Variants in ROCK2 observed in about 807,000 individuals in gnomAD.
ROCK2 encodes rho-associated protein kinase 2.
Under a neutral mutation model 195.1 loss-of-function variants are expected in ROCK2, and 61 were observed. The observed-to-expected ratio is 0.31, with a 90% CI of 0.25 to 0.39. The LOEUF (loss-of-function observed/expected upper bound fraction) is 0.39. Among genes scored for constraint, ROCK2 ranks in the 10% least tolerant of loss-of-function variants. The probability of loss-of-function intolerance (pLI) is 1.00; values close to 1 mark genes in which losing one functional copy is unlikely to be tolerated. For missense variants in ROCK2, 1,109 were observed against 1,637.4 expected (o/e 0.68, Z 5.57); for synonymous variants, 504 against 545.5 (o/e 0.92, Z 1.06).
intron 3 of ROCK2, among the ~76,000 whole-genome samples, chr2:11,252,153 G>A (rs369851769): frequency 1.1e-4 from 16 of 152,316 alleles, no homozygotes; most frequent in East Asian, 3.9e-4. Flanking sequence ...GCTCACGCCT[G>A]TAAACCCAGC....
intron 1 of ROCK2, among the ~76,000 whole-genome samples, chr2:11,325,415 G>C (rs6709947): frequency 0.32 from 49,076 of 152,012 alleles, 8,176 homozygotes; most frequent in East Asian, 0.54. Flanking sequence ...CAATGCTACA[G>C]AAGTTTTTCC....
At chr2:11,303,143 A>T (rs1271050800) in intron 1 of ROCK2, among the ~76,000 whole-genome samples, 2 of 152,230 alleles carry the variant, frequency 1.3e-5, no homozygotes, top group East Asian at 1.9e-4. Flanking sequence ...TTCTTCAAAG[A>T]TTAGTTCAGA....
At chr2:11,217,033 AGT>A (rs1664458756) in intron 12 of ROCK2, 55 bp downstream of exon 12, 1 of 922,050 alleles carries the variant, frequency 1.1e-6, no homozygotes, top group East Asian at 2.7e-5. Context: ...CTCTTTTTTC[AGT>A]AAATGTTTAA....
chr2:11,215,259 A>T, intron 15 of ROCK2, 62 bp downstream of exon 15: 12 of 1,431,904 alleles, frequency 8.4e-6, no homozygotes, highest in Non-Finnish European at 1.1e-5. Context: ...TGTCAATTAA[A>T]ACTAATGTTA....
intron 3 of ROCK2, among the ~76,000 whole-genome samples, chr2:11,279,312 T>C (rs1271579170): frequency 6.6e-6 from 1 of 152,130 alleles, no homozygotes; most frequent in Non-Finnish European, 1.5e-5. Context: ...AAGACACATA[T>C]AGATGAAAAG....
intron 1 of ROCK2, among the ~76,000 whole-genome samples, chr2:11,335,118 C>CAA: frequency 6.7e-6 from 1 of 150,060 alleles, no homozygotes; most frequent in East Asian, 1.9e-4. Flanking sequence ...TACACACACA[C>CAA]ACACACACAC....
intron 18 of ROCK2, 32 bp downstream of exon 18, chr2:11,211,649 C>G: frequency 1.3e-6 from 2 of 1,539,526 alleles, no homozygotes; most frequent in Non-Finnish European, 1.8e-6. Context: ...TAGGAAGACG[C>G]TGCTGGAAAA....
At chr2:11,246,333 A>C (rs902085000) in intron 4 of ROCK2, among the ~76,000 whole-genome samples, 1 of 152,190 alleles carries the variant, frequency 6.6e-6, no homozygotes, top group Non-Finnish European at 1.5e-5. Flanking sequence ...AAAGTAAATG[A>C]AAGAAGAGGG....
intron 20 of ROCK2, among the ~76,000 whole-genome samples, chr2:11,207,156 T>C (rs1664082845): frequency 6.6e-6 from 1 of 152,214 alleles, no homozygotes; most frequent in Non-Finnish European, 1.5e-5. Context: ...TTCGCAGGCA[T>C]GATCACAGTG....
intron 1 of ROCK2, among the ~76,000 whole-genome samples, chr2:11,307,039 T>C (rs912702184): frequency 6.6e-6 from 1 of 152,200 alleles, no homozygotes; most frequent in Non-Finnish European, 1.5e-5. Flanking sequence ...GGTCTCGATA[T>C]TTCATTACCA....
At position 11,208,312 on chromosome 2, in the gene ROCK2, T is replaced by C. The variant is rs1664127803; in HGVS notation, c.2339A>G (p.Lys780Arg). ...ATCCTCATTTAGCACATCTTTCTGT[T>C]TAAGGAGCTCATTTATTTTCTGCTG... Reference protein sequence around the residue: ...QSQQKINELLKQKDVLNEDVR... With the variant: ...QSQQKINELLRQKDVLNEDVR... The change falls in exon 19 of 33, where the codon AAA (lysine) becomes AGA (arginine). Residue 780 changes from lysine (K) to arginine (R), a missense_variant. This residue lies in a region of ROCK2 where 542 missense variants were observed against 672.0 expected (regional missense o/e 0.81). Coordinates refer to ENST00000315872, the MANE Select transcript of ROCK2 (RefSeq NM_004850.5). 2 of 1,482,424 alleles carry C rather than the reference T, an allele frequency of 1.3e-6. No individual in the cohort carries two copies. Among genetic ancestry groups the C allele is most frequent in the Non-Finnish European group, 1.8e-6 (2 of 1,103,154 alleles). 91.8% of individuals were successfully genotyped at this position (1,482,424 alleles called of 1,614,324 possible).
At chr2:11,286,037 T>A (rs1232489941) in intron 3 of ROCK2, among the ~76,000 whole-genome samples, 1 of 151,196 alleles carries the variant, frequency 6.6e-6, no homozygotes, top group Non-Finnish European at 1.5e-5. Flanking sequence ...GAGTTTCATA[T>A]ACTCAGGTGA....
chr2:11,276,759 A>T (rs1463651321), intron 3 of ROCK2, among the ~76,000 whole-genome samples: 1 of 152,152 alleles, frequency 6.6e-6, no homozygotes, highest in Non-Finnish European at 1.5e-5. Context: ...ATTCAGTAAC[A>T]TATGCTTGTC....
intron 3 of ROCK2, among the ~76,000 whole-genome samples, chr2:11,283,259 T>C (rs1032607113): frequency 1.6e-5 from 1 of 63,098 alleles, no homozygotes; most frequent in Admixed American, 2.0e-4. Context: ...AGAGACTCCG[T>C]CTCAAAAAAA....
Position 11,195,039 on chromosome 2 carries a change from C to A in ROCK2, c.3449-14G>T. 6.7e-7 allele frequency: 1 copy of A among 1,493,222 alleles called. No individual in the cohort carries two copies. The highest frequency in any genetic ancestry group is 9.1e-7 in the Non-Finnish European group (1 of 1,095,668). 92.5% of individuals were successfully genotyped at this position (1,493,222 alleles called of 1,614,324 possible). ...CTAATCTTGATTCTACAAATAAGCA[C>A]AACATGTGAGGCTAAAGATAACAAT... On this transcript the variant is annotated splice_polypyrimidine_tract_variant and intron_variant, in intron 27 of 32. Coordinates refer to ENST00000315872, the MANE Select transcript of ROCK2 (RefSeq NM_004850.5).
intron 1 of ROCK2, among the ~76,000 whole-genome samples, chr2:11,295,764 C>T (rs1160924832): frequency 1.3e-5 from 2 of 152,016 alleles, no homozygotes; most frequent in Non-Finnish European, 2.9e-5. Context: ...TGACACCTGC[C>T]TGGCCAACAT....
chr2:11,271,746 G>A (rs1347085442), intron 3 of ROCK2, among the ~76,000 whole-genome samples: 1 of 152,156 alleles, frequency 6.6e-6, no homozygotes, highest in South Asian at 2.1e-4. Flanking sequence ...AAAGGTTCGG[G>A]GCTGGGCGCG....
chr2:11,336,343 G>A lies in ROCK2; in HGVS notation c.141+7653C>T, dbSNP rs116470230. On this transcript the variant is annotated intron_variant, in intron 1 of 32. Transcript: ENST00000315872. ...ACAGCTCACTCAGTCTCAAACTCCT[G>A]GACTCAAGCCATCCTCCTGCCTCAG... Among the ~76,000 whole-genome samples, 676 of 152,256 alleles carry A rather than the reference G, an allele frequency of 4.4e-3. 6 individuals are homozygous for A. The highest frequency in any genetic ancestry group is 0.015 in the African/African-American group (630 of 41,532).
intron 3 of ROCK2, among the ~76,000 whole-genome samples, chr2:11,280,404 A>G (rs947465642): frequency 2.0e-5 from 3 of 151,150 alleles, no homozygotes; most frequent in Non-Finnish European, 4.4e-5. Flanking sequence ...CGGGCGGATC[A>G]CCTGAGTTCA....
Sources: allele counts gnomAD v4.1 joint callset (sites outside exome capture counted in the v4.1 genomes callset), GRCh38; gene constraint gnomAD v4.1.1; regional missense constraint gnomAD v4.1.1; transcripts MANE v1.5; gene names NCBI Gene and HGNC (gene_info 2026-07-23, HGNC 2026-07-21).